The following EP400 variants were observed in gnomAD, a reference collection of about 807,000 sequenced individuals.
The protein encoded by EP400 is E1A binding protein p400, also known as E1A-binding protein p400.
A neutral mutation model predicts 354.1 loss-of-function variants in EP400; 105 were observed. That is an observed-to-expected ratio of 0.30 (90% CI 0.25 to 0.35). The LOEUF is 0.35. EP400 is among the 10% of genes least tolerant of loss of function. The pLI is 1.00. For missense variants in EP400, 3,280 were observed against 4,121.0 expected (o/e 0.80, Z 5.59); for synonymous variants, 1,646 against 1,716.9 (o/e 0.96, Z 1.02).
Position 132,054,833 on chromosome 12 carries a change from T to G in EP400, c.7729-141T>G. On this transcript the variant is annotated intron_variant, in intron 43 of 52. Coordinates refer to ENST00000389561, the MANE Select transcript of EP400 (RefSeq NM_015409.5). This position sits in a 1 kb window ranked among gnomAD's most constrained non-coding sequence, Gnocchi z 4.0. The stretch of plus-strand genomic sequence containing the variant: ...AGGGTGGGGGCACCGCCAGGTGGAA[T>G]GAGCTGGGGAGGATGGGACAGGTGG... The G allele has an allele frequency of 1.2e-6, 1 of 845,250 alleles. No homozygotes were observed. The highest frequency in any genetic ancestry group is 2.0e-6 in the Non-Finnish European group (1 of 509,298). The allele number at this position is 845,250 out of a possible 1,614,324, so 52.4% of individuals were successfully genotyped here.
At chr12:131,982,507 A>G in intron 5 of EP400, 29 bp downstream of exon 5, 1 of 1,564,190 alleles carries the variant, frequency 6.4e-7, no homozygotes, top group Non-Finnish European at 8.7e-7. Context: ...GAAAAAAAGA[A>G]AATGGTTTGC....
rs887000850 is a variant in EP400, at chr12:132,077,985, C to T, written c.*312C>T. The T allele has an allele frequency of 9.1e-6, 3 of 330,908 alleles. No individual in the cohort carries two copies. Among genetic ancestry groups the T allele is most frequent in the Non-Finnish European group, 1.7e-5 (3 of 179,758 alleles). 20.5% of individuals were successfully genotyped at this position (330,908 alleles called of 1,614,324 possible). A position where few individuals can be genotyped will look rare whatever the true frequency, so the allele number is the denominator to read the frequency against. On this transcript the variant is annotated 3_prime_UTR_variant, in exon 53 of 53. Coordinates refer to ENST00000389561, the MANE Select transcript of EP400 (RefSeq NM_015409.5). ...AGCCATAGTACTGTGTTCTGAAAGCCATTTAGAATTTCTTTGTGAGCATGT... is the reference window on the plus strand; with the variant it reads ...AGCCATAGTACTGTGTTCTGAAAGCTATTTAGAATTTCTTTGTGAGCATGT...
intron 33 of EP400, 89 bp from the exon 34 acceptor site, chr12:132,043,556 A>T: frequency 6.3e-7 from 1 of 1,578,654 alleles, no homozygotes; most frequent in South Asian, 1.2e-5. Context: ...TCACTTTTTG[A>T]TTCAAATGTT....
At chr12:132,023,416 A>G (rs928792701) in intron 23 of EP400, among the ~76,000 whole-genome samples, 2 of 143,398 alleles carry the variant, frequency 1.4e-5, no homozygotes, top group Non-Finnish European at 3.0e-5. Flanking sequence ...TCAGCCTCCC[A>G]AAGTGCTGGG....
rs527601891 is a variant in EP400, at chr12:132,063,955, C to T, written c.8335-713C>T. On this transcript the variant is annotated intron_variant, in intron 47 of 52. Transcript: ENST00000389561. ...GAGGCAACTGTCAGGGAGTCAGAGCCGGGCTTTGACCCCCCCGGCCCACAG... is the reference window on the plus strand; with the variant it reads ...GAGGCAACTGTCAGGGAGTCAGAGCTGGGCTTTGACCCCCCCGGCCCACAG... Among the ~76,000 whole-genome samples, 19 of 152,078 alleles carry T rather than the reference C, an allele frequency of 1.2e-4. No homozygotes were observed. In the South Asian group the frequency reaches 2.1e-3, roughly 17 times the overall value.
chr12:131,960,687 G>A lies in EP400; in HGVS notation c.68G>A (p.Ser23Asn). 1 of 1,580,834 alleles carries A rather than the reference G, an allele frequency of 6.3e-7. No homozygotes were observed. Among genetic ancestry groups the A allele is most frequent in the Non-Finnish European group, 8.6e-7 (1 of 1,165,020 alleles). ...QLQRSRACPG[S>N]EGEEQPAHPN... ...CAGAGGTCCAGGGCCTGCCCTGGCAGCGAGGGTGAGGAGCAGCCGGCCCAC... is the reference window on the plus strand; with the variant it reads ...CAGAGGTCCAGGGCCTGCCCTGGCAACGAGGGTGAGGAGCAGCCGGCCCAC... Residue 23 changes from serine (S) to asparagine (N), a missense_variant, in exon 2 of 53, where the codon AGC (serine) becomes AAC (asparagine). Around this residue, in one of 20 missense-constraint regions of EP400, gnomAD observed 172 missense variants for 242.9 expected, o/e 0.71. Coordinates refer to ENST00000389561, the MANE Select transcript of EP400 (RefSeq NM_015409.5).
In EP400 at chr12:131,980,125, A is replaced by G. The variant is rs146147590; in HGVS notation, c.1435+332A>G. On this transcript the variant is annotated intron_variant, in intron 3 of 52. Coordinates refer to ENST00000389561, the MANE Select transcript of EP400 (RefSeq NM_015409.5). ...TTAAGCTGATTTTTTCAAATGATAAACTTAATACATTTTTATATAAAAGAC... is the reference window on the plus strand; with the variant it reads ...TTAAGCTGATTTTTTCAAATGATAAGCTTAATACATTTTTATATAAAAGAC... Among the ~76,000 whole-genome samples, 17 of 152,242 alleles carry G rather than the reference A, an allele frequency of 1.1e-4. 1 individual carries two copies. The highest frequency in any genetic ancestry group is 2.1e-4 in the Non-Finnish European group (14 of 68,012).
rs752090116 is a variant in EP400 at position 132,028,135 on chromosome 12, G to A, written c.5228G>A (p.Ser1743Asn). Residue 1743 changes from serine to asparagine, a missense_variant, in exon 27 of 53, where the codon AGC (serine) becomes AAC (asparagine). This residue lies in a region of EP400 where 459 missense variants were observed against 496.9 expected (regional missense o/e 0.92). Coordinates refer to ENST00000389561, the MANE Select transcript of EP400 (RefSeq NM_015409.5). ...RDLLRICALP[S>N]HGRVQWRGSL... Reference sequence around the variant, plus strand: ...TTGCTAAGGATTTGTGCCCTGCCTAGCCATGGAAGGGTACAGTGGCGTGGG... The same window carrying A: ...TTGCTAAGGATTTGTGCCCTGCCTAACCATGGAAGGGTACAGTGGCGTGGG... The A allele has an allele frequency of 2.5e-6, 4 of 1,614,082 alleles. No homozygotes were observed. The East Asian group carries it at 8.9e-5, about 36-fold the overall frequency.
At position 132,044,928 on chromosome 12, in the gene EP400, G is replaced by C. The variant is rs1394267160; in HGVS notation, c.6759G>C (p.Arg2253=). Residue 2253 remains arginine (R), a synonymous_variant, in exon 37 of 53, where the codon CGG becomes CGC. Coordinates refer to ENST00000389561, the MANE Select transcript of EP400 (RefSeq NM_015409.5). The stretch of plus-strand genomic sequence containing the variant: ...CCCCTGTGTACGTGAGGAAGGAGCG[G>C]AAGCGACACAAAACAGACCCCTCAG... ...KLPPVYVRKE[R]KRHKTDPSAA... 1 of 1,614,124 alleles carries C rather than the reference G, an allele frequency of 6.2e-7. No homozygotes were observed. Among genetic ancestry groups the C allele is most frequent in the Admixed American group, 1.7e-5 (1 of 60,024 alleles).
intron 2 of EP400, among the ~76,000 whole-genome samples, chr12:131,966,958 C>T (rs1265790749): frequency 6.6e-6 from 1 of 150,674 alleles, no homozygotes; most frequent in East Asian, 1.9e-4. Context: ...TGTAGTAGTC[C>T]CAGCTACTTG....
intron 30 of EP400, among the ~76,000 whole-genome samples, chr12:132,035,172 A>G (rs1232866665): frequency 6.6e-6 from 1 of 152,224 alleles, no homozygotes. Context: ...AGGAAGGACC[A>G]GTTTAATGCA....
At chr12:132,077,275 C>T in intron 52 of EP400, 126 bp from the exon 53 acceptor site, 1 of 1,227,942 alleles carries the variant, frequency 8.1e-7, no homozygotes, top group East Asian at 2.4e-5. Flanking sequence ...ACTGGTCATT[C>T]TTCCGTGTCA....
chr12:132,062,953 T>C (rs553946551), intron 47 of EP400, among the ~76,000 whole-genome samples: 2 of 152,332 alleles, frequency 1.3e-5, no homozygotes, highest in Non-Finnish European at 2.9e-5. Flanking sequence ...AGCGTGCAAA[T>C]GCGTCTTCTT....
chr12:131,979,908 T>G, intron 3 of EP400, 115 bp downstream of exon 3: 1 of 788,066 alleles, frequency 1.3e-6, no homozygotes, highest in East Asian at 2.9e-5. Flanking sequence ...CTTCCTACTT[T>G]GAAAATTAAC....
intron 39 of EP400, among the ~76,000 whole-genome samples, chr12:132,049,647 G>T (rs747307251): frequency 3.3e-5 from 5 of 152,186 alleles, no homozygotes; most frequent in Non-Finnish European, 5.9e-5. Context: ...TGAGGAAGGA[G>T]GTGCTTGAGC....
rs959476858 is a variant in EP400, at chr12:132,043,787, TG to T, written c.6450+60del. ...TTTGCAATATTTTCAGAGTTAAGTTTGATTTGAAGTAAATGTGACTTCATTA... is the reference window on the plus strand; with the variant it reads ...TTTGCAATATTTTCAGAGTTAAGTTTATTTGAAGTAAATGTGACTTCATTA... On this transcript the variant is annotated intron_variant, in intron 34 of 52. Transcript: ENST00000389561. 6.9e-5 allele frequency: 99 copies of T among 1,426,718 alleles called. No individual in the cohort carries two copies. In the African/African-American group the frequency reaches 1.2e-3, roughly 18 times the overall value. The allele number at this position is 1,426,718 out of a possible 1,614,324, so 88.4% of individuals were successfully genotyped here.
chr12:131,991,403 CT>C lies in EP400; in HGVS notation c.2630-3del. 1 of 1,613,844 alleles carries C rather than the reference CT, an allele frequency of 6.2e-7. No individual in the cohort carries two copies. The highest frequency in any genetic ancestry group is 8.5e-7 in the Non-Finnish European group (1 of 1,179,866). On this transcript the variant is annotated splice_region_variant and splice_polypyrimidine_tract_variant and intron_variant, in intron 9 of 52. Coordinates refer to ENST00000389561, the MANE Select transcript of EP400 (RefSeq NM_015409.5). The stretch of plus-strand genomic sequence containing the variant: ...GGAACGAACTGTGCTCCTTGTCTCT[CT>C]AGGGAAAGAATTGAGACCTAAAGGA...
chr12:132,073,915 T>G (rs1366797612), intron 51 of EP400, among the ~76,000 whole-genome samples: 1 of 143,022 alleles, frequency 7.0e-6, no homozygotes, highest in Non-Finnish European at 1.5e-5. Flanking sequence ...CATTGTTTTT[T>G]GGGGTTTTTT....
intron 4 of EP400, 108 bp downstream of exon 4, chr12:131,981,704 C>T (rs1892687410): frequency 1.1e-6 from 1 of 879,280 alleles, no homozygotes; most frequent in Non-Finnish European, 1.8e-6. Context: ...AGCGTGTTTG[C>T]AGTGGGGTGC....
Sources: gnomAD v4.1 joint callset for allele counts (sites outside exome capture counted in the v4.1 genomes callset) on GRCh38, gnomAD v4.1.1 for gene constraint, gnomAD v4.1.1 regional missense constraint, Gnocchi (gnomAD v3.1) non-coding constraint, MANE v1.5 for transcripts, NCBI Gene and HGNC (gene_info 2026-07-23, HGNC 2026-07-21) for gene names.